The following PTPN1 variants were observed in gnomAD, a reference collection of about 807,000 sequenced individuals.
PTPN1 encodes the protein protein tyrosine phosphatase non-receptor type 1, also known as tyrosine-protein phosphatase non-receptor type 1.
PTPN1 carries 12 observed loss-of-function variants against 59.9 expected under a neutral mutation model. The ratio of observed to expected loss-of-function variants is 0.20; its 90% CI spans 0.13 to 0.32. The LOEUF (loss-of-function observed/expected upper bound fraction) is 0.32, where lower values mean the gene tolerates loss of function less well. Among genes scored for constraint, PTPN1 ranks in the 10% least tolerant of loss-of-function variants. The probability of loss-of-function intolerance (pLI) is 1.00; values close to 1 mark genes in which losing one functional copy is unlikely to be tolerated. For missense variants in PTPN1, 356 were observed against 549.2 expected, an observed-to-expected ratio of 0.65 and a Z score of 3.52; for synonymous variants, 178 against 203.6, an observed-to-expected ratio of 0.87 and a Z score of 1.07.
intron 3 of PTPN1, among the ~76,000 whole-genome samples, chr20:50,566,842 G>A (rs949737958): frequency 2.0e-5 from 3 of 152,160 alleles, no homozygotes; most frequent in African/African-American, 7.2e-5. Flanking sequence ...GAAGGGAGTA[G>A]TGGAGAGCTG....
In PTPN1 at chr20:50,510,684, C is replaced by A. The variant is rs908563226; in HGVS notation, c.63+94C>A. On this transcript the variant is annotated intron_variant, in intron 1 of 9. Coordinates refer to ENST00000371621, the MANE Select transcript of PTPN1 (RefSeq NM_002827.4). ...GGCCCCAGACTCCCTCTGGGTCTTG[C>A]CCTCTGCCTCGCTCCTACTGCTTGA... 3.9e-6 allele frequency: 5 copies of A among 1,291,722 alleles called. No homozygotes were observed. The African/African-American group carries it at 4.6e-5, about 12-fold the overall frequency. 80.0% of individuals were successfully genotyped at this position (1,291,722 alleles called of 1,614,324 possible). A position where few individuals can be genotyped will look rare whatever the true frequency, so the allele number is the denominator to read the frequency against.
chr20:50,563,205 C>T (rs1180418195), intron 2 of PTPN1: 2 of 152,092 alleles, frequency 1.3e-5, no homozygotes, highest in African/African-American at 4.8e-5. Context: ...TCCTATCCTC[C>T]TCCCGTACTC....
At chr20:50,567,968 A>G (rs1423824238) in intron 3 of PTPN1, among the ~76,000 whole-genome samples, 1 of 152,270 alleles carries the variant, frequency 6.6e-6, no homozygotes, top group Non-Finnish European at 1.5e-5. Flanking sequence ...CAAGGTCACA[A>G]GATGATGTGA....
At chr20:50,528,249 C>T (rs1337763553) in intron 1 of PTPN1, among the ~76,000 whole-genome samples, 4 of 152,154 alleles carry the variant, frequency 2.6e-5, no homozygotes, top group Admixed American at 1.3e-4. Context: ...CTCTGAAGGC[C>T]TCCTTTCATA....
intron 1 of PTPN1, among the ~76,000 whole-genome samples, chr20:50,526,451 C>T (rs1048894671): frequency 1.3e-5 from 2 of 152,080 alleles, no homozygotes; most frequent in Non-Finnish European, 2.9e-5. Context: ...CACAACCTGT[C>T]TTTCCATATC....
intron 1 of PTPN1, 42 bp from the exon 2 acceptor site, chr20:50,561,311 GGTCTTCCTCA>G: frequency 1.5e-6 from 2 of 1,336,720 alleles, no homozygotes; most frequent in Non-Finnish European, 2.1e-6. Flanking sequence ...TTCTTTGCTG[GGTCTTCCTCA>G]GTGTCTGACG....
intron 8 of PTPN1, 103 bp downstream of exon 8, chr20:50,580,029 C>A: frequency 9.3e-7 from 1 of 1,072,594 alleles, no homozygotes; most frequent in Non-Finnish European, 1.4e-6. Context: ...CTCCTGTTGG[C>A]AAGCAGCGCT....
At chr20:50,572,857 C>T (rs2122793990) in intron 4 of PTPN1, 1 of 152,334 alleles carries the variant, frequency 6.6e-6, no homozygotes, top group East Asian at 1.9e-4. Flanking sequence ...CGCCTCCATG[C>T]CAAGTGGCAG....
At chr20:50,554,839 A>G (rs1338795442) in intron 1 of PTPN1, among the ~76,000 whole-genome samples, 1 of 152,176 alleles carries the variant, frequency 6.6e-6, no homozygotes, top group Non-Finnish European at 1.5e-5. Context: ...GATAAGATAG[A>G]TGCAAAAAAA....
chr20:50,579,133 A>G (rs772983361), intron 6 of PTPN1, 35 bp from the exon 7 acceptor site: 1 of 1,609,508 alleles, frequency 6.2e-7, no homozygotes, highest in Non-Finnish European at 8.5e-7. Flanking sequence ...TGAGAATTGG[A>G]CCTGGCTGAC....
At chr20:50,550,764 ACTT>A (rs1326975025) in intron 1 of PTPN1, among the ~76,000 whole-genome samples, 1 of 152,220 alleles carries the variant, frequency 6.6e-6, no homozygotes, top group Non-Finnish European at 1.5e-5. Context: ...AGTCCAAAGC[ACTT>A]CTTCTCAGAC....
chr20:50,513,610 A>G (rs1188985927), intron 1 of PTPN1, among the ~76,000 whole-genome samples: 1 of 152,210 alleles, frequency 6.6e-6, no homozygotes, highest in Non-Finnish European at 1.5e-5. Flanking sequence ...AGATTTATTC[A>G]TGTTAGAGGC....
chr20:50,524,792 G>C (rs1176363574), intron 1 of PTPN1, among the ~76,000 whole-genome samples: 1 of 151,718 alleles, frequency 6.6e-6, no homozygotes, highest in Non-Finnish European at 1.5e-5. Flanking sequence ...GGTCAGGCTG[G>C]TCTCGAACTC....
At chr20:50,526,124 CTGTA>C (rs567437919) in intron 1 of PTPN1, among the ~76,000 whole-genome samples, 23 of 152,222 alleles carry the variant, frequency 1.5e-4, no homozygotes, top group African/African-American at 4.8e-4. Flanking sequence ...CTCTCTTTCA[CTGTA>C]TGTATTTGTA....
At chr20:50,528,714 AAAAAAAAAAAAGACTCCATCTT>A (rs2122733489) in intron 1 of PTPN1, among the ~76,000 whole-genome samples, 1 of 143,132 alleles carries the variant, frequency 7.0e-6, no homozygotes, top group African/African-American at 2.6e-5. Context: ...ACTCCATCTT[AAAAAAAAAAAAGACTCCATCTT>A]AAAAAAAAAA....
At chr20:50,577,184 A>C (rs1172868743) in intron 5 of PTPN1, among the ~76,000 whole-genome samples, 1 of 152,108 alleles carries the variant, frequency 6.6e-6, no homozygotes, top group African/African-American at 2.4e-5. Context: ...ATCCCAGCAG[A>C]GTTGGGGGAG....
chr20:50,548,181 C>T lies in PTPN1; in HGVS notation c.64-13182C>T, dbSNP rs1032522240. ...GTAATTCTTCATGCTGCATCCTGGG[C>T]GCATTTCTCTGTAGTAGCTTTCAAT... On this transcript the variant is annotated intron_variant, in intron 1 of 9. Transcript: ENST00000371621. Among the ~76,000 whole-genome samples, 5 of 152,160 alleles carry T rather than the reference C, an allele frequency of 3.3e-5. 1 individual carries two copies. Among genetic ancestry groups the T allele is most frequent in the South Asian group, 4.1e-4 (2 of 4,830 alleles).
At chr20:50,536,244 A>C (rs774039180) in intron 1 of PTPN1, among the ~76,000 whole-genome samples, 1 of 152,222 alleles carries the variant, frequency 6.6e-6, no homozygotes, top group African/African-American at 2.4e-5. Flanking sequence ...ACTTTTCCCT[A>C]TAAGGCAGTG....
chr20:50,574,777 T>G (rs936435174), intron 5 of PTPN1, 123 bp downstream of exon 5: 15 of 1,296,576 alleles, frequency 1.2e-5, no homozygotes, highest in Middle Eastern at 1.9e-4. Flanking sequence ...GAGCAAGATG[T>G]GGTTTGGGCA....
Sources: gnomAD v4.1 joint callset for allele counts (sites outside exome capture counted in the v4.1 genomes callset) on GRCh38, gnomAD v4.1.1 for gene constraint, MANE v1.5 for transcripts, NCBI Gene and HGNC (gene_info 2026-07-23, HGNC 2026-07-21) for gene names.